The following UVRAG variants were observed in gnomAD, a reference collection of about 807,000 sequenced individuals.
UVRAG encodes the protein UV radiation resistance associated, also known as UV radiation resistance-associated gene protein.
UVRAG carries 19 observed loss-of-function variants against 78.0 expected under a neutral mutation model. That is an observed-to-expected ratio of 0.24 (90% CI 0.17 to 0.36). UVRAG has a LOEUF of 0.36. UVRAG is among the 10% of genes least tolerant of loss of function. UVRAG has a pLI of 1.00. For missense variants in UVRAG, 740 were observed against 853.8 expected (o/e 0.87, Z 1.66); for synonymous variants, 323 against 324.6 (o/e 1.00, Z 0.05).
chr11:76,041,325 G>A (rs1428027437), intron 12 of UVRAG, among the ~76,000 whole-genome samples: 3 of 152,212 alleles, frequency 2.0e-5, no homozygotes, highest in Non-Finnish European at 4.4e-5. Context: ...TCTGGTGCAG[G>A]TAGACAACTC....
At chr11:75,883,047 A>G (rs1243016607) in intron 4 of UVRAG, among the ~76,000 whole-genome samples, 2 of 152,182 alleles carry the variant, frequency 1.3e-5, no homozygotes, top group Non-Finnish European at 2.9e-5. Flanking sequence ...ACTGGGGTAT[A>G]TATCCCATCT....
intron 12 of UVRAG, among the ~76,000 whole-genome samples, chr11:76,018,189 A>G (rs1468651119): frequency 2.0e-5 from 3 of 152,114 alleles, no homozygotes; most frequent in Admixed American, 6.6e-5. Flanking sequence ...ATAAACATGC[A>G]TATTGTACTT....
At chr11:75,930,115 T>C (rs1461891082) in intron 6 of UVRAG, among the ~76,000 whole-genome samples, 3 of 152,226 alleles carry the variant, frequency 2.0e-5, no homozygotes, top group Non-Finnish European at 4.4e-5. Context: ...TATTTTATCA[T>C]TCTATTTAAT....
intron 12 of UVRAG, among the ~76,000 whole-genome samples, chr11:76,055,742 C>G (rs916288309): frequency 5.9e-5 from 9 of 151,994 alleles, no homozygotes; most frequent in Admixed American, 5.2e-4. Flanking sequence ...CGGAGTCTCA[C>G]TCTGTCACCC....
chr11:75,974,627 A>C (rs1256093805), intron 7 of UVRAG, among the ~76,000 whole-genome samples: 1 of 151,858 alleles, frequency 6.6e-6, no homozygotes, highest in African/African-American at 2.4e-5. Flanking sequence ...CGGCCTCCCA[A>C]AGTGCTGGGA....
chr11:76,001,963 C>T (rs774517760), intron 8 of UVRAG, among the ~76,000 whole-genome samples: 2 of 152,140 alleles, frequency 1.3e-5, no homozygotes, highest in African/African-American at 2.4e-5. Context: ...AACCATTAAT[C>T]AAGCTCATTC....
intron 7 of UVRAG, among the ~76,000 whole-genome samples, chr11:75,976,131 G>T (rs1949233133): frequency 6.6e-6 from 1 of 152,154 alleles, no homozygotes; most frequent in Non-Finnish European, 1.5e-5. Flanking sequence ...TAATCATGTG[G>T]TTTTTGTCTT....
At chr11:75,910,024 TTG>T (rs902816626) in intron 5 of UVRAG, among the ~76,000 whole-genome samples, 1 of 152,068 alleles carries the variant, frequency 6.6e-6, no homozygotes, top group African/African-American at 2.4e-5. Flanking sequence ...TGGACAGGAT[TTG>T]TGTGTGTGTG....
chr11:76,132,983 C>T (rs781640064), intron 14 of UVRAG, among the ~76,000 whole-genome samples: 2 of 152,122 alleles, frequency 1.3e-5, no homozygotes, highest in Admixed American at 1.3e-4. Context: ...GGCTTCATGA[C>T]CTTTGGTCAA....
At chr11:75,994,824 C>T (rs1035922117) in intron 8 of UVRAG, among the ~76,000 whole-genome samples, 1 of 152,122 alleles carries the variant, frequency 6.6e-6, no homozygotes, top group Non-Finnish European at 1.5e-5. Flanking sequence ...TTCTATTTGG[C>T]CTGTGAGGTG....
intron 3 of UVRAG, among the ~76,000 whole-genome samples, chr11:75,862,731 G>A (rs1946449801): frequency 6.6e-6 from 1 of 152,052 alleles, no homozygotes; most frequent in Admixed American, 6.6e-5. Context: ...TCATGACCCT[G>A]TTTTATTTTC....
chr11:76,030,683 C>G (rs80321798), intron 12 of UVRAG, among the ~76,000 whole-genome samples: 1 of 152,152 alleles, frequency 6.6e-6, no homozygotes, highest in East Asian at 1.9e-4. Flanking sequence ...CCATGCTATT[C>G]TATTTGTCTG....
At chr11:76,136,435 T>G (rs909736407) in intron 14 of UVRAG, among the ~76,000 whole-genome samples, 6 of 152,088 alleles carry the variant, frequency 3.9e-5, no homozygotes, top group African/African-American at 1.4e-4. Flanking sequence ...CAGGAGGTTT[T>G]AATAGCATCC....
intron 13 of UVRAG, among the ~76,000 whole-genome samples, chr11:76,076,249 A>G (rs1951402336): frequency 6.6e-6 from 1 of 152,194 alleles, no homozygotes; most frequent in Non-Finnish European, 1.5e-5. Context: ...TCATGCTGCT[A>G]ATAAAGACAT....
intron 7 of UVRAG, among the ~76,000 whole-genome samples, chr11:75,974,521 C>T (rs796907968): frequency 4.4e-4 from 66 of 151,554 alleles, no homozygotes; most frequent in African/African-American, 1.4e-3. Context: ...CACCCGCCAC[C>T]GCGCCCGGCT....
chr11:75,950,963 T>TACACACACACACACACACACACACAC (rs35864936), intron 6 of UVRAG, among the ~76,000 whole-genome samples: 2 of 139,954 alleles, frequency 1.4e-5, no homozygotes, highest in African/African-American at 5.3e-5. Context: ...TTGTCAGGTG[T>TACACACACACACACACACACACACAC]ACACACACAC....
intron 4 of UVRAG, among the ~76,000 whole-genome samples, chr11:75,880,738 A>T (rs1350955234): frequency 6.6e-6 from 1 of 150,786 alleles, no homozygotes; most frequent in East Asian, 2.0e-4. Context: ...GTATTTTAGT[A>T]GAGACAGGGT....
chr11:75,819,826 A>G (rs1945346310), intron 1 of UVRAG, among the ~76,000 whole-genome samples: 1 of 151,908 alleles, frequency 6.6e-6, no homozygotes. Context: ...AAAATTAGCC[A>G]GGTGTGGTGG....
At chr11:75,907,193 A>G (rs922018125) in intron 5 of UVRAG, among the ~76,000 whole-genome samples, 18 of 152,188 alleles carry the variant, frequency 1.2e-4, no homozygotes, top group Non-Finnish European at 2.2e-4. Context: ...TTTGGAATAC[A>G]CTTTATTTTT....
Sources: allele counts gnomAD v4.1 joint callset (sites outside exome capture counted in the v4.1 genomes callset), GRCh38; gene constraint gnomAD v4.1.1; transcripts MANE v1.5; gene names NCBI Gene and HGNC (gene_info 2026-07-23, HGNC 2026-07-21).